The following CTNNA2 variants were observed in gnomAD, a reference collection of about 807,000 sequenced individuals.
CTNNA2 encodes the protein catenin alpha-2.
In CTNNA2, 42 loss-of-function variants were observed where a neutral mutation model predicts 101.0. That is an observed-to-expected ratio of 0.42 (90% CI 0.32 to 0.54). The LOEUF (loss-of-function observed/expected upper bound fraction) is 0.54. CTNNA2 is among the 20% of genes least tolerant of loss of function. The probability of loss-of-function intolerance (pLI) is 0.14; values close to 1 mark genes in which losing one functional copy is unlikely to be tolerated. For missense variants in CTNNA2, 871 were observed against 1,223.1 expected, an observed-to-expected ratio of 0.71 and a Z score of 4.29; for synonymous variants, 450 against 456.4, an observed-to-expected ratio of 0.99 and a Z score of 0.18.
At chr2:79,215,793 G>A in intron 2 of CTNNA2, among the ~76,000 whole-genome samples, 1 of 152,146 alleles carries the variant, frequency 6.6e-6, no homozygotes, top group East Asian at 1.9e-4. Flanking sequence ...GAACGAAACT[G>A]TAAGCCAGAC....
chr2:79,732,658 T>G (rs759121996), intron 2 of CTNNA2, among the ~76,000 whole-genome samples: 15 of 152,046 alleles, frequency 9.9e-5, no homozygotes, highest in Non-Finnish European at 1.2e-4. Flanking sequence ...AAAAACAACA[T>G]TCTATTTGTT....
intron 1 of CTNNA2, among the ~76,000 whole-genome samples, chr2:79,588,800 C>T (rs185303108): frequency 6.6e-6 from 1 of 152,162 alleles, no homozygotes; most frequent in Non-Finnish European, 1.5e-5. Context: ...TTAAGATTGA[C>T]ACACAAAATA....
At chr2:79,456,058 A>G (rs1670817111) in intron 4 of CTNNA2, among the ~76,000 whole-genome samples, 1 of 149,038 alleles carries the variant, frequency 6.7e-6, no homozygotes. Flanking sequence ...ATTAAATACA[A>G]TTCCAAATCT....
At chr2:79,895,001 A>G (rs1014004279) in intron 6 of CTNNA2, among the ~76,000 whole-genome samples, 2 of 152,248 alleles carry the variant, frequency 1.3e-5, no homozygotes, top group African/African-American at 4.8e-5. Context: ...CACAATAGAT[A>G]GCCCATGGCT....
intron 7 of CTNNA2, among the ~76,000 whole-genome samples, chr2:79,977,270 T>C (rs902849471): frequency 2.7e-5 from 4 of 149,496 alleles, no homozygotes; most frequent in African/African-American, 7.4e-5. Flanking sequence ...GTTCTCACTC[T>C]TCTTTGATAT....
At chr2:79,432,842 T>A (rs768939224) in intron 4 of CTNNA2, among the ~76,000 whole-genome samples, 15 of 152,224 alleles carry the variant, frequency 9.9e-5, no homozygotes, top group Non-Finnish European at 2.1e-4. Flanking sequence ...TACTCCCCAA[T>A]AACAAAGGCT....
At position 80,023,073 on chromosome 2, in the gene CTNNA2, C is replaced by T. The variant is rs114925008; in HGVS notation, c.1056+113276C>T. 5.7e-3 allele frequency among the ~76,000 whole-genome samples: 871 copies of T among 152,268 alleles called. 5 individuals carry two copies. Among genetic ancestry groups the T allele is most frequent in the Non-Finnish European group, 0.01 (714 of 68,020 alleles). On this transcript the variant is annotated intron_variant, in intron 7 of 18. Coordinates refer to ENST00000402739, the MANE Select transcript of CTNNA2 (RefSeq NM_001282597.3). ...ACTATATTATAGAAAATATGGTAAGCGTGGGCATCTTTGGGCAGATGTCAT... is the reference window on the plus strand; with the variant it reads ...ACTATATTATAGAAAATATGGTAAGTGTGGGCATCTTTGGGCAGATGTCAT...
intron 1 of CTNNA2, among the ~76,000 whole-genome samples, chr2:79,625,398 A>T (rs561125079): frequency 6.6e-6 from 1 of 152,136 alleles, no homozygotes. Context: ...GTGTAGAGTC[A>T]TATTAGGGGG....
intron 14 of CTNNA2, among the ~76,000 whole-genome samples, chr2:80,585,261 T>G (rs551551957): frequency 3.3e-5 from 5 of 152,192 alleles, no homozygotes; most frequent in Non-Finnish European, 5.9e-5. Flanking sequence ...AATGGTTGTT[T>G]CCTTTTATCA....
In CTNNA2 at chr2:79,858,193, A is replaced by C. The variant is rs1260844316; in HGVS notation, c.465+14A>C. ...CATCTGAAAATTGTACGTATGTAGA[A>C]CTTATCAAAACTTTCTTTATGTGAG... On this transcript the variant is annotated intron_variant, in intron 4 of 18. Transcript: ENST00000402739. 1 of 1,593,922 alleles carries C rather than the reference A, an allele frequency of 6.3e-7. No individual in the cohort carries two copies. The highest frequency in any genetic ancestry group is 1.3e-5 in the African/African-American group (1 of 74,674).
At chr2:79,667,210 G>T (rs895861354) in intron 2 of CTNNA2, among the ~76,000 whole-genome samples, 12 of 152,216 alleles carry the variant, frequency 7.9e-5, no homozygotes, top group African/African-American at 2.9e-4. Context: ...AGCGCAAAAT[G>T]TAGTAACTGG....
intron 7 of CTNNA2, among the ~76,000 whole-genome samples, chr2:80,073,260 G>C: frequency 6.6e-6 from 1 of 152,198 alleles, no homozygotes; most frequent in Admixed American, 6.5e-5. Context: ...GGTACACACA[G>C]GCTGTGTTAG....
intron 17 of CTNNA2, among the ~76,000 whole-genome samples, chr2:80,615,359 A>G (rs911681033): frequency 2.0e-5 from 3 of 151,576 alleles, no homozygotes; most frequent in Non-Finnish European, 3.0e-5. Context: ...ACATAAGAAT[A>G]TTTTCTGATT....
intron 3 of CTNNA2, among the ~76,000 whole-genome samples, chr2:79,334,767 T>A (rs1215074043): frequency 6.6e-6 from 1 of 152,108 alleles, no homozygotes; most frequent in Non-Finnish European, 1.5e-5. Flanking sequence ...ATAATGCAAA[T>A]CATTGCACCC....
intron 7 of CTNNA2, among the ~76,000 whole-genome samples, chr2:80,389,253 C>T (rs745972461): frequency 1.3e-5 from 2 of 152,040 alleles, no homozygotes; most frequent in South Asian, 2.1e-4. Context: ...TGTGATTGAT[C>T]GTCCTGCTAA....
chr2:80,069,162 G>C (rs948610709), intron 7 of CTNNA2, among the ~76,000 whole-genome samples: 2 of 152,158 alleles, frequency 1.3e-5, no homozygotes, highest in Non-Finnish European at 2.9e-5. Flanking sequence ...AGAAGAGAGA[G>C]AGAATTCACC....
intron 4 of CTNNA2, among the ~76,000 whole-genome samples, chr2:79,499,890 T>G (rs1193940196): frequency 2.2e-4 from 34 of 152,222 alleles, no homozygotes; most frequent in Admixed American, 2.2e-3. Flanking sequence ...TTATGGAGGC[T>G]GGCAAGTCTA....
chr2:79,968,213 TA>T (rs76059666), intron 7 of CTNNA2, among the ~76,000 whole-genome samples: 41,913 of 148,674 alleles, frequency 0.28, 7,085 homozygotes, highest in African/African-American at 0.48. Flanking sequence ...TTTACTTCAA[TA>T]AAAAAAAAAC....
At chr2:79,764,782 G>C (rs1386836380) in intron 3 of CTNNA2, among the ~76,000 whole-genome samples, 6 of 152,198 alleles carry the variant, frequency 3.9e-5, no homozygotes, top group African/African-American at 1.4e-4. Flanking sequence ...ACTTCATTTT[G>C]CTTTAGATAG....
Sources: gnomAD v4.1 joint callset for allele counts (sites outside exome capture counted in the v4.1 genomes callset) on GRCh38, gnomAD v4.1.1 for gene constraint, MANE v1.5 for transcripts, NCBI Gene and HGNC (gene_info 2026-07-23, HGNC 2026-07-21) for gene names.